The following ALK variants were observed in gnomAD, a reference collection of about 807,000 sequenced individuals.
ALK encodes ALK receptor tyrosine kinase.
A neutral mutation model predicts 163.1 loss-of-function variants in ALK; 74 were observed. The observed-to-expected ratio is 0.45, with a 90% CI of 0.38 to 0.55. The LOEUF (loss-of-function observed/expected upper bound fraction) is 0.55. Ranked by LOEUF, ALK falls within the 20% of genes least tolerant of loss-of-function variation. ALK has a pLI of 0.00. For synonymous variants in ALK, 960 were observed against 843.2 expected (o/e 1.14, Z -2.40); for missense variants, 2,063 against 2,105.3 (o/e 0.98, Z 0.39).
chr2:29,830,737 A>C (rs1174737168), intron 1 of ALK, among the ~76,000 whole-genome samples: 21 of 123,300 alleles, frequency 1.7e-4, no homozygotes, highest in East Asian at 6.1e-4. Context: ...AAAAAAAAAA[A>C]AAAAAAAAAA....
chr2:29,557,842 A>G (rs561110184), intron 3 of ALK, among the ~76,000 whole-genome samples: 9 of 152,170 alleles, frequency 5.9e-5, no homozygotes, highest in African/African-American at 1.9e-4. Context: ...GGACATTTGC[A>G]TGTATCTAGT....
chr2:29,834,677 G>A lies in ALK; in HGVS notation c.667+85316C>T, dbSNP rs557200352. ...AGCCAAAAGGGTGCGAGTATAGAGAGGGGAGATCACAAAAATAGGAGGAAA... is the reference window on the plus strand; with the variant it reads ...AGCCAAAAGGGTGCGAGTATAGAGAAGGGAGATCACAAAAATAGGAGGAAA... On this transcript the variant is annotated intron_variant, in intron 1 of 28. Transcript: ENST00000389048. Among the ~76,000 whole-genome samples the A allele has an allele frequency of 4.6e-4, 70 of 152,290 alleles. 2 individuals carry two copies. In the South Asian group the frequency reaches 0.014, roughly 31 times the overall value.
chr2:29,730,474 G>C (rs1679709986), intron 1 of ALK, among the ~76,000 whole-genome samples: 1 of 152,114 alleles, frequency 6.6e-6, no homozygotes, highest in South Asian at 2.1e-4. Context: ...AAGTAAACTA[G>C]AGATAGAGGG....
chr2:29,512,118 A>G (rs1265651805), intron 4 of ALK, among the ~76,000 whole-genome samples: 1 of 152,196 alleles, frequency 6.6e-6, no homozygotes, highest in African/African-American at 2.4e-5. Context: ...ATGCTATCTA[A>G]AAAAGTTTTT....
chr2:29,624,347 G>A (rs1676129986), intron 3 of ALK, among the ~76,000 whole-genome samples: 1 of 152,168 alleles, frequency 6.6e-6, no homozygotes, highest in Admixed American at 6.5e-5. Flanking sequence ...AGGATTCCCT[G>A]AGCTCTCACA....
At chr2:29,218,516 TTCA>T (rs1428807313) in intron 23 of ALK, among the ~76,000 whole-genome samples, 2 of 152,142 alleles carry the variant, frequency 1.3e-5, no homozygotes, top group Admixed American at 6.5e-5. Flanking sequence ...GGAATCATCT[TTCA>T]TCATCAAAGG....
At chr2:29,439,102 G>A (rs898946088) in intron 4 of ALK, among the ~76,000 whole-genome samples, 13 of 152,182 alleles carry the variant, frequency 8.5e-5, no homozygotes, top group African/African-American at 3.1e-4. Flanking sequence ...AGTCCTGAGA[G>A]TACACAGGTC....
intron 3 of ALK, among the ~76,000 whole-genome samples, chr2:29,618,211 G>A (rs1675915535): frequency 6.6e-6 from 1 of 152,132 alleles, no homozygotes; most frequent in Non-Finnish European, 1.5e-5. Flanking sequence ...CTGATCAAAG[G>A]TCAACCTCCA....
intron 1 of ALK, among the ~76,000 whole-genome samples, chr2:29,750,108 A>T (rs533318188): frequency 3.3e-5 from 5 of 152,320 alleles, no homozygotes; most frequent in African/African-American, 9.6e-5. Flanking sequence ...ATTGCATGGG[A>T]CTCGAGAAGT....
chr2:29,755,169 G>A (rs1355186219), intron 1 of ALK, among the ~76,000 whole-genome samples: 6 of 152,222 alleles, frequency 3.9e-5, no homozygotes, highest in East Asian at 1.9e-4. Context: ...GCGATTTCAC[G>A]CAGAAGCTGG....
intron 3 of ALK, among the ~76,000 whole-genome samples, chr2:29,544,659 T>C (rs1444817949): frequency 6.6e-6 from 1 of 152,026 alleles, no homozygotes; most frequent in African/African-American, 2.4e-5. Context: ...TATATCTGTA[T>C]CATCTCTCAA....
chr2:29,821,451 C>G (rs900352294), intron 1 of ALK, among the ~76,000 whole-genome samples: 1 of 152,142 alleles, frequency 6.6e-6, no homozygotes, highest in Non-Finnish European at 1.5e-5. Flanking sequence ...TTGCACAGAT[C>G]GAAGTGAAGA....
At chr2:29,819,857 A>T (rs969841482) in intron 1 of ALK, among the ~76,000 whole-genome samples, 2 of 152,162 alleles carry the variant, frequency 1.3e-5, no homozygotes, top group African/African-American at 4.8e-5. Context: ...CCAATCCATG[A>T]TCCTACAGGG....
intron 12 of ALK, among the ~76,000 whole-genome samples, chr2:29,247,144 AC>A (rs1360986848): frequency 6.7e-6 from 1 of 148,250 alleles, no homozygotes; most frequent in East Asian, 2.0e-4. Flanking sequence ...AGCGCCTTTT[AC>A]CCCGGCCTCC....
chr2:29,560,531 CTTTCT>C (rs1252784783), intron 3 of ALK, among the ~76,000 whole-genome samples: 2 of 151,890 alleles, frequency 1.3e-5, no homozygotes, highest in Non-Finnish European at 2.9e-5. Context: ...CTGTAATTTT[CTTTCT>C]TTTCTTTTCT....
intron 1 of ALK, among the ~76,000 whole-genome samples, chr2:29,748,379 A>G (rs1453813803): frequency 4.6e-5 from 7 of 152,178 alleles, no homozygotes. Flanking sequence ...CTCTAAGCAT[A>G]TGGCCCTTGG....
At chr2:29,660,728 G>T (rs946521743) in intron 3 of ALK, among the ~76,000 whole-genome samples, 1 of 151,980 alleles carries the variant, frequency 6.6e-6, no homozygotes, top group East Asian at 1.9e-4. Context: ...AAGCAGACAG[G>T]CAGGGGGCCA....
intron 3 of ALK, among the ~76,000 whole-genome samples, chr2:29,648,880 T>TA (rs944731754): frequency 2.6e-5 from 4 of 152,058 alleles, no homozygotes; most frequent in East Asian, 1.9e-4. Context: ...TTTGCATGTG[T>TA]AAAAAAAATC....
At chr2:29,728,545 G>C (rs1442480076) in intron 1 of ALK, among the ~76,000 whole-genome samples, 1 of 152,208 alleles carries the variant, frequency 6.6e-6, no homozygotes, top group Non-Finnish European at 1.5e-5. Flanking sequence ...CATTGTGAAG[G>C]AGACAGACAC....
Sources: allele counts gnomAD v4.1 joint callset (sites outside exome capture counted in the v4.1 genomes callset), GRCh38; gene constraint gnomAD v4.1.1; transcripts MANE v1.5; gene names NCBI Gene and HGNC (gene_info 2026-07-23, HGNC 2026-07-21).